The following BRINP3 variants were observed in gnomAD, a reference collection of about 807,000 sequenced individuals.
The protein encoded by BRINP3 is BMP/retinoic acid inducible neural specific 3.
In BRINP3, 19 loss-of-function variants were observed where a neutral mutation model predicts 71.0. That is an observed-to-expected ratio of 0.27 (90% confidence interval 0.19 to 0.39). The LOEUF is 0.39. Ranked by LOEUF, BRINP3 falls within the 10% of genes least tolerant of loss-of-function variation. The pLI is 1.00. For missense variants in BRINP3, 959 were observed against 940.8 expected (o/e 1.02, Z -0.25); for synonymous variants, 380 against 337.7 (o/e 1.13, Z -1.37).
chr1:190,147,037 C>A (rs1017805890), intron 7 of BRINP3, among the ~76,000 whole-genome samples: 5 of 151,778 alleles, frequency 3.3e-5, no homozygotes, highest in African/African-American at 1.2e-4. Flanking sequence ...TGGATGTATT[C>A]TTTTCTGTTA....
chr1:190,107,513 G>A (rs976417875), intron 7 of BRINP3, among the ~76,000 whole-genome samples: 2 of 151,878 alleles, frequency 1.3e-5, no homozygotes, highest in African/African-American at 2.4e-5. Flanking sequence ...TTGGACAAGT[G>A]TGTTAATTAT....
intron 2 of BRINP3, among the ~76,000 whole-genome samples, chr1:190,348,190 C>T (rs1261065239): frequency 6.6e-6 from 1 of 151,990 alleles, no homozygotes; most frequent in Non-Finnish European, 1.5e-5. Context: ...GAAATGACTC[C>T]CCATGGACCT....
At chr1:190,363,189 C>T (rs545523020) in intron 2 of BRINP3, among the ~76,000 whole-genome samples, 1 of 152,042 alleles carries the variant, frequency 6.6e-6, no homozygotes. Flanking sequence ...AAGAGCAGAC[C>T]CTGGCCAACA....
At chr1:190,168,336 C>A (rs1173439243) in intron 6 of BRINP3, among the ~76,000 whole-genome samples, 2 of 152,086 alleles carry the variant, frequency 1.3e-5, no homozygotes, top group Non-Finnish European at 2.9e-5. Context: ...ATTTCAAAGA[C>A]CACATCTCTT....
intron 2 of BRINP3, among the ~76,000 whole-genome samples, chr1:190,323,190 T>C (rs1666360724): frequency 6.6e-6 from 1 of 152,002 alleles, no homozygotes; most frequent in African/African-American, 2.4e-5. Context: ...TAGTGCAAAT[T>C]TAATAAGGAA....
intron 7 of BRINP3, among the ~76,000 whole-genome samples, chr1:190,108,339 CGTGTGT>C (rs368317554): frequency 6.7e-6 from 1 of 149,178 alleles, no homozygotes; most frequent in Non-Finnish European, 1.5e-5. Flanking sequence ...ATAAGCAAAT[CGTGTGT>C]GTGTGTGTGT....
chr1:190,382,527 A>T (rs934586060), intron 2 of BRINP3, among the ~76,000 whole-genome samples: 1 of 152,158 alleles, frequency 6.6e-6, no homozygotes, highest in Non-Finnish European at 1.5e-5. Flanking sequence ...TGATTTATTT[A>T]AAGGTGAGGA....
chr1:190,471,381 T>G (rs1571403929), intron 1 of BRINP3, among the ~76,000 whole-genome samples: 1 of 151,254 alleles, frequency 6.6e-6, no homozygotes, highest in Non-Finnish European at 1.5e-5. Flanking sequence ...ACTAAGATTA[T>G]CCATTAGCAA....
intron 2 of BRINP3, among the ~76,000 whole-genome samples, chr1:190,300,762 C>T (rs1034730841): frequency 6.6e-6 from 1 of 152,066 alleles, no homozygotes; most frequent in African/African-American, 2.4e-5. Context: ...ACATCCACAC[C>T]AAAAACCCAT....
chr1:190,151,581 G>A (rs1488172681), intron 7 of BRINP3, among the ~76,000 whole-genome samples: 3 of 152,122 alleles, frequency 2.0e-5, no homozygotes, highest in Non-Finnish European at 4.4e-5. Context: ...GAAAATCTCA[G>A]AAATAAAGGT....
chr1:190,203,426 T>C (rs949186833), intron 6 of BRINP3, among the ~76,000 whole-genome samples: 3 of 149,120 alleles, frequency 2.0e-5, no homozygotes, highest in African/African-American at 7.5e-5. Context: ...TGTGTGTATA[T>C]ATATATATAT....
intron 2 of BRINP3, among the ~76,000 whole-genome samples, chr1:190,355,554 A>C (rs1232229674): frequency 6.6e-6 from 1 of 151,908 alleles, no homozygotes; most frequent in African/African-American, 2.4e-5. Flanking sequence ...CGAAATATAG[A>C]TCTTAATTCT....
intron 4 of BRINP3, among the ~76,000 whole-genome samples, chr1:190,261,280 G>C (rs1203697213): frequency 6.6e-6 from 1 of 151,806 alleles, no homozygotes; most frequent in East Asian, 1.9e-4. Flanking sequence ...TTGAGTCTCG[G>C]TAGAAAATAA....
intron 4 of BRINP3, among the ~76,000 whole-genome samples, chr1:190,253,946 A>C (rs1301994930): frequency 6.6e-6 from 1 of 152,144 alleles, no homozygotes; most frequent in Non-Finnish European, 1.5e-5. Context: ...TTTTTGTATA[A>C]GGTGTAAGGA....
chr1:190,113,762 G>A (rs1369252072), intron 7 of BRINP3, among the ~76,000 whole-genome samples: 1 of 152,274 alleles, frequency 6.6e-6, no homozygotes, highest in African/African-American at 2.4e-5. Context: ...AAACATGACA[G>A]AACAATGGCT....
At chr1:190,125,338 C>A (rs1654000732) in intron 7 of BRINP3, among the ~76,000 whole-genome samples, 1 of 151,062 alleles carries the variant, frequency 6.6e-6, no homozygotes, top group South Asian at 2.1e-4. Context: ...TACATATATA[C>A]ACATATATTA....
intron 6 of BRINP3, among the ~76,000 whole-genome samples, chr1:190,221,354 T>C (rs1656876220): frequency 6.6e-6 from 1 of 152,202 alleles, no homozygotes. Flanking sequence ...CAAGGTAAGT[T>C]GTCTTCTCTT....
chr1:190,176,099 C>T (rs966362810), intron 6 of BRINP3, among the ~76,000 whole-genome samples: 1 of 152,108 alleles, frequency 6.6e-6, no homozygotes, highest in Non-Finnish European at 1.5e-5. Flanking sequence ...CATATAACAA[C>T]AAGAAAGCTA....
intron 6 of BRINP3, among the ~76,000 whole-genome samples, chr1:190,182,357 G>T (rs1423064905): frequency 6.6e-6 from 1 of 151,860 alleles, no homozygotes; most frequent in Non-Finnish European, 1.5e-5. Flanking sequence ...GGTTCCCCAG[G>T]CTCTATTTAT....
Sources: gnomAD v4.1 joint callset for allele counts (sites outside exome capture counted in the v4.1 genomes callset) on GRCh38, gnomAD v4.1.1 for gene constraint, MANE v1.5 for transcripts, NCBI Gene and HGNC (gene_info 2026-07-23, HGNC 2026-07-21) for gene names.